COL5A2: variants seen among roughly 807,000 people sequenced by gnomAD.
COL5A2 encodes the protein collagen alpha-2(V) chain.
Under a neutral mutation model 208.2 loss-of-function variants are expected in COL5A2, and 23 were observed. The ratio of observed to expected loss-of-function variants is 0.11; its 90% CI spans 0.08 to 0.16. The LOEUF (loss-of-function observed/expected upper bound fraction) is 0.16. Among genes scored for constraint, COL5A2 ranks in the 10% least tolerant of loss-of-function variants. The pLI is 1.00. For synonymous variants in COL5A2, 625 were observed against 628.5 expected, an observed-to-expected ratio of 0.99 and a Z score of 0.08; for missense variants, 1,590 against 1,956.4, an observed-to-expected ratio of 0.81 and a Z score of 3.53.
At chr2:189,156,623 A>C (rs546797478) in intron 1 of COL5A2, among the ~76,000 whole-genome samples, 1 of 152,256 alleles carries the variant, frequency 6.6e-6, no homozygotes, top group Non-Finnish European at 1.5e-5. Flanking sequence ...TATAAGCAGA[A>C]TATTATCACA....
At chr2:189,074,876 T>C (rs1392635371) in intron 17 of COL5A2, among the ~76,000 whole-genome samples, 2 of 152,206 alleles carry the variant, frequency 1.3e-5, no homozygotes, top group African/African-American at 4.8e-5. Context: ...CCATCTTCAT[T>C]TCATGTTCAA....
chr2:189,120,745 C>A (rs896005456), intron 1 of COL5A2, among the ~76,000 whole-genome samples: 1 of 152,164 alleles, frequency 6.6e-6, no homozygotes, highest in Non-Finnish European at 1.5e-5. Flanking sequence ...TCAGAATATA[C>A]CAGCCATAAT....
the COL5A2 span, among the ~76,000 whole-genome samples, chr2:189,356,848 T>G: frequency 1.3e-5 from 2 of 152,246 alleles, no homozygotes; most frequent in Non-Finnish European, 2.9e-5. Context: ...CTTTTTGCAC[T>G]GGTTTCTCTC....
the COL5A2 span, among the ~76,000 whole-genome samples, chr2:189,290,783 C>T: frequency 6.7e-6 from 1 of 148,210 alleles, no homozygotes; most frequent in Non-Finnish European, 1.5e-5. Flanking sequence ...AAGGAAACCT[C>T]AAATACATTT....
At chr2:189,157,921 A>G (rs1298009110) in intron 1 of COL5A2, among the ~76,000 whole-genome samples, 1 of 151,986 alleles carries the variant, frequency 6.6e-6, no homozygotes, top group Non-Finnish European at 1.5e-5. Flanking sequence ...CTAAATTTTC[A>G]AAACATTCCC....
At chr2:189,245,016 G>A in the COL5A2 span, among the ~76,000 whole-genome samples, 1 of 152,116 alleles carries the variant, frequency 6.6e-6, no homozygotes, top group Non-Finnish European at 1.5e-5. Flanking sequence ...AAAACCATAA[G>A]ATCTCATGAG....
the COL5A2 span, among the ~76,000 whole-genome samples, chr2:189,274,435 T>C: frequency 1.3e-5 from 2 of 152,184 alleles, no homozygotes; most frequent in Non-Finnish European, 2.9e-5. Flanking sequence ...TGTCTTCTCC[T>C]AACCTTGGGT....
chr2:189,237,712 G>C, the COL5A2 span, among the ~76,000 whole-genome samples: 1 of 151,732 alleles, frequency 6.6e-6, no homozygotes, highest in Non-Finnish European at 1.5e-5. Flanking sequence ...CAGACTGTAA[G>C]TGTGTACTTT....
the COL5A2 span, among the ~76,000 whole-genome samples, chr2:189,233,825 GGATATTGTGTTT>G: frequency 0.14 from 20,833 of 151,452 alleles, 1,955 homozygotes; most frequent in South Asian, 0.2. Flanking sequence ...AGAATTTTTT[GGATATTGTGTTT>G]CTCATGCCAT....
chr2:189,051,580 C>T, intron 41 of COL5A2, 99 bp from the exon 42 acceptor site: 1 of 1,074,266 alleles, frequency 9.3e-7, no homozygotes, highest in Non-Finnish European at 1.3e-6. Context: ...ATGTCCAAGC[C>T]TCGCAGGTTC....
At chr2:189,225,287 A>T (rs1689399534) in exon 1 of COL5A2, among the ~76,000 whole-genome samples, 1 of 152,166 alleles carries the variant, frequency 6.6e-6, no homozygotes, top group African/African-American at 2.4e-5. Flanking sequence ...GATGAGTGGC[A>T]GGTGGCCAGA....
In COL5A2 at chr2:189,085,738, G is replaced by C. The variant is rs773360962; in HGVS notation, c.725C>G (p.Pro242Arg). The part of the protein sequence containing the change: ...GAGPTGPPGE[P>R]GDPGPMGPIG... ...ATTTACCATTGGTCCAGGATCACCA[G>C]GTTCACCAGGAGGTCCTGTAGGTCC... Residue 242 changes from proline (P) to arginine (R), a missense_variant, in exon 10 of 54, where the codon CCT (proline) becomes CGT (arginine). Physicochemically the swap from Pro to Arg is moderately radical, Grantham distance 103. Transcript: ENST00000374866. 3 of 1,613,540 alleles carry C rather than the reference G, an allele frequency of 1.9e-6. No individual in the cohort carries two copies. The highest frequency in any genetic ancestry group is 1.7e-6 in the Non-Finnish European group (2 of 1,179,564).
intron 1 of COL5A2, among the ~76,000 whole-genome samples, chr2:189,130,086 C>G (rs998352480): frequency 6.6e-6 from 1 of 151,956 alleles, no homozygotes; most frequent in African/African-American, 2.4e-5. Context: ...CAGACACTGC[C>G]CTGGATTGTG....
the COL5A2 span, among the ~76,000 whole-genome samples, chr2:189,365,058 A>T: frequency 6.6e-6 from 1 of 152,238 alleles, no homozygotes; most frequent in Non-Finnish European, 1.5e-5. Context: ...GAGGGATATA[A>T]GATAGTATCA....
At chr2:189,119,754 C>T (rs1464868210) in intron 1 of COL5A2, among the ~76,000 whole-genome samples, 1 of 151,972 alleles carries the variant, frequency 6.6e-6, no homozygotes, top group Non-Finnish European at 1.5e-5. Context: ...TTATTTCTTG[C>T]TAATACAGTC....
chr2:189,352,256 G>T, the COL5A2 span, among the ~76,000 whole-genome samples: 5 of 152,110 alleles, frequency 3.3e-5, no homozygotes, highest in Non-Finnish European at 7.4e-5. Context: ...GTGCTGCAAT[G>T]AACATACCTG....
At chr2:189,402,280 C>A in the COL5A2 span, among the ~76,000 whole-genome samples, 2 of 152,120 alleles carry the variant, frequency 1.3e-5, no homozygotes, top group Admixed American at 6.5e-5. Flanking sequence ...TGCAGTGGTG[C>A]GATCTTGGCT....
At chr2:189,435,561 C>A in the COL5A2 span, among the ~76,000 whole-genome samples, 9 of 152,210 alleles carry the variant, frequency 5.9e-5, no homozygotes, top group Non-Finnish European at 1.0e-4. Flanking sequence ...ATGCAGCCAA[C>A]ACACACATGA....
intron 1 of COL5A2, among the ~76,000 whole-genome samples, chr2:189,150,186 A>C (rs1214908983): frequency 6.6e-6 from 1 of 152,186 alleles, no homozygotes; most frequent in Non-Finnish European, 1.5e-5. Context: ...GTCTATAATA[A>C]GGTCAAATGA....
Sources: gnomAD v4.1 joint callset for allele counts (sites outside exome capture counted in the v4.1 genomes callset) on GRCh38, gnomAD v4.1.1 for gene constraint, MANE v1.5 for transcripts, NCBI Gene and HGNC (gene_info 2026-07-23, HGNC 2026-07-21) for gene names.